The following CHD8 variants were observed in gnomAD, a reference collection of about 807,000 sequenced individuals.
The protein encoded by CHD8 is ATP-dependent chromatin remodeler CHD8.
Under a neutral mutation model 279.2 loss-of-function variants are expected in CHD8, and 31 were observed. The ratio of observed to expected loss-of-function variants is 0.11; its 90% confidence interval spans 0.08 to 0.15. CHD8 has a LOEUF of 0.15. Among genes scored for constraint, CHD8 ranks in the 10% least tolerant of loss-of-function variants. CHD8 has a pLI of 1.00. For missense variants in CHD8, 2,146 were observed against 3,230.5 expected (o/e 0.66, Z 8.14); for synonymous variants, 1,081 against 1,139.6 (o/e 0.95, Z 1.04).
At chr14:21,419,578 G>C (rs1888919782) in intron 5 of CHD8, 1 of 155,796 alleles carries the variant, frequency 6.4e-6, no homozygotes, top group Non-Finnish European at 1.4e-5. Context: ...AAAAATAAAA[G>C]AAAACAAAAA....
At chr14:21,445,403 G>A (rs778226277) in intron 1 of CHD8, among the ~76,000 whole-genome samples, 12 of 148,454 alleles carry the variant, frequency 8.1e-5, no homozygotes, top group Non-Finnish European at 1.0e-4. Flanking sequence ...AACCCTGGCC[G>A]GGCGTGGTGG....
rs766789414 is a variant in CHD8, at chr14:21,431,794, T to C, written c.-151A>G. 6.8e-6 allele frequency: 11 copies of C among 1,613,638 alleles called. No homozygotes were observed. In the Admixed American group the frequency reaches 1.2e-4, roughly 17 times the overall value. On this transcript the variant is annotated 5_prime_UTR_variant, in exon 2 of 38. The change abolishes an upstream ATG in the 5' untranslated region. Coordinates refer to ENST00000646647, the MANE Select transcript of CHD8 (RefSeq NM_001170629.2). ...AGTATAGAGGCAAGAAACAAGTGCA[T>C]GTCAGATTGTCCTGACCTTCATGGA...
At chr14:21,415,184 T>G in intron 7 of CHD8, 191 bp from the exon 8 acceptor site, 1 of 551,144 alleles carries the variant, frequency 1.8e-6, no homozygotes, top group Non-Finnish European at 3.2e-6. Flanking sequence ...CTTTATCCAC[T>G]CTAAACAGGT....
intron 1 of CHD8, chr14:21,436,952 A>G: frequency 7.8e-7 from 1 of 1,288,262 alleles, no homozygotes; most frequent in Non-Finnish European, 1.0e-6. Context: ...GCAGAGGCGG[A>G]AGATTTCTGG....
At chr14:21,445,518 C>T (rs1308235022) in intron 1 of CHD8, among the ~76,000 whole-genome samples, 1 of 151,466 alleles carries the variant, frequency 6.6e-6, no homozygotes, top group African/African-American at 2.4e-5. Context: ...AACCCCATCT[C>T]TACTAAAAAT....
chr14:21,434,805 T>G (rs1298922170), intron 1 of CHD8, among the ~76,000 whole-genome samples: 1 of 152,176 alleles, frequency 6.6e-6, no homozygotes, highest in Non-Finnish European at 1.5e-5. Context: ...TCTTACAAGA[T>G]TAAACCTTCT....
Position 21,403,373 on chromosome 14 carries a change from C to G in CHD8, c.3518+80G>C, listed in dbSNP as rs887931963. ...CTTCTCTTATTGCAATTGGTGAACT[C>G]TAATTAAATCCAGGCCCTCCTACTT... On this transcript the variant is annotated intron_variant, in intron 17 of 37. Transcript: ENST00000646647. This position sits in a 1 kb window ranked among gnomAD's most constrained non-coding sequence, Gnocchi z 4.3. 1.0e-4 allele frequency: 134 copies of G among 1,315,784 alleles called. No homozygotes were observed. In the Middle Eastern group the frequency reaches 1.3e-3, roughly 13 times the overall value. The allele number at this position is 1,315,784 out of a possible 1,614,324, so 81.5% of individuals were successfully genotyped here.
chr14:21,405,760 C>T lies in CHD8; in HGVS notation c.3012G>A (p.Glu1004=), dbSNP rs1888229149. ...LEPSQFPSES[E]FLKDFGDLKT... The stretch of plus-strand genomic sequence containing the variant: ...TGAGATCCCCAAAGTCCTTGAGAAA[C>T]TCTGATTCTGAGGGAAATTGTGACG... Residue 1004 remains glutamate, a synonymous_variant, in exon 15 of 38, where the codon GAG becomes GAA. Transcript: ENST00000646647. This position sits in a 1 kb window ranked among gnomAD's most constrained non-coding sequence, Gnocchi z 4.2. 1 of 1,613,934 alleles carries T rather than the reference C, an allele frequency of 6.2e-7. No individual in the cohort carries two copies. The highest frequency in any genetic ancestry group is 1.7e-5 in the Admixed American group (1 of 60,008).
Position 21,430,879 on chromosome 14 carries a change from A to C in CHD8, c.765T>G (p.Gly255=), listed in dbSNP as rs748562397. 1.3e-6 allele frequency: 2 copies of C among 1,599,432 alleles called. No homozygotes were observed. Among genetic ancestry groups the C allele is most frequent in the Non-Finnish European group, 1.7e-6 (2 of 1,179,732 alleles). The change falls in exon 2 of 38, where the codon GGT becomes GGG. Residue 255 remains glycine, a synonymous_variant. Transcript: ENST00000646647. ...VKQLVLQPVK[G]SAPAGNPGAT... is the part of the protein sequence containing the mutation. ...CCCCAGGGTTTCCAGCAGGAGCTGA[A>C]CCCTTAACTGGCTGGAGGACCAGCT...
intron 1 of CHD8, among the ~76,000 whole-genome samples, chr14:21,455,561 T>G (rs1484949211): frequency 1.3e-5 from 2 of 152,200 alleles, no homozygotes; most frequent in East Asian, 3.9e-4. Context: ...CTGCTTACGC[T>G]TACCCCATGC....
intron 37 of CHD8, among the ~76,000 whole-genome samples, chr14:21,387,186 T>C (rs1188272956): frequency 1.3e-5 from 2 of 152,102 alleles, no homozygotes; most frequent in African/African-American, 4.8e-5. Flanking sequence ...CACTGTCAAT[T>C]CTATATTAAG....
At chr14:21,396,343 G>A (rs1197123600) in intron 27 of CHD8, among the ~76,000 whole-genome samples, 1 of 151,796 alleles carries the variant, frequency 6.6e-6, no homozygotes, top group African/African-American at 2.4e-5. Flanking sequence ...GTCTCACTCT[G>A]TAGGCCAGGC....
chr14:21,419,599 G>T, intron 5 of CHD8: 1 of 162,012 alleles, frequency 6.2e-6, no homozygotes, highest in South Asian at 1.5e-4. Context: ...AAATAATCCT[G>T]GGTGCCGTAC....
chr14:21,388,395 G>C (rs1887375293), intron 37 of CHD8, among the ~76,000 whole-genome samples: 1 of 152,148 alleles, frequency 6.6e-6, no homozygotes, highest in Non-Finnish European at 1.5e-5. Context: ...TATTTACATA[G>C]TATTTATATT....
chr14:21,405,484 G>C lies in CHD8; in HGVS notation c.3052-20C>G, dbSNP rs754155458. 1.3e-6 allele frequency: 2 copies of C among 1,593,052 alleles called. No homozygotes were observed. The highest frequency in any genetic ancestry group is 3.6e-5 in the Admixed American group (2 of 55,588). ...TTGAACCTGTGGTCCATTACAGAGAGAAAAATAAATCAATAAGATGAGGGC... is the reference window on the plus strand; with the variant it reads ...TTGAACCTGTGGTCCATTACAGAGACAAAAATAAATCAATAAGATGAGGGC... On this transcript the variant is annotated intron_variant, in intron 15 of 37. Transcript: ENST00000646647. The surrounding 1 kb of genome is among the most constrained non-coding windows in gnomAD (Gnocchi z 4.2).
intron 5 of CHD8, among the ~76,000 whole-genome samples, chr14:21,424,826 T>G (rs915801768): frequency 6.6e-6 from 1 of 152,182 alleles, no homozygotes; most frequent in Non-Finnish European, 1.5e-5. Context: ...AGTTTGTCAA[T>G]GTACCGAATG....
intron 1 of CHD8, among the ~76,000 whole-genome samples, chr14:21,433,351 A>C (rs1889643433): frequency 1.3e-5 from 2 of 152,238 alleles, no homozygotes; most frequent in African/African-American, 4.8e-5. Flanking sequence ...AAGCTATCAA[A>C]GACAGGGAAG....
In CHD8 at chr14:21,415,721, T is replaced by G; in HGVS notation, c.1899+4A>C. On this transcript the variant is annotated splice_donor_region_variant and intron_variant, in intron 6 of 37. Coordinates refer to ENST00000646647, the MANE Select transcript of CHD8 (RefSeq NM_001170629.2). ...CTCTGAAATCATTTGAGTTTACAGC[T>G]TACCACAAAGAACTGCATGGAAGGC... is the stretch of plus-strand genomic sequence containing the variant. 1 of 1,613,756 alleles carries G rather than the reference T, an allele frequency of 6.2e-7. No individual in the cohort carries two copies. Among genetic ancestry groups the G allele is most frequent in the Non-Finnish European group, 8.5e-7 (1 of 1,179,790 alleles).
rs1032318888 is a variant in CHD8 at position 21,395,656 on chromosome 14, T to C, written c.5127+161A>G. 5 of 621,218 alleles carry C rather than the reference T, an allele frequency of 8.0e-6. No individual in the cohort carries two copies. The African/African-American group carries it at 9.3e-5, about 12-fold the overall frequency. The allele number at this position is 621,218 out of a possible 1,614,324, so 38.5% of individuals were successfully genotyped here. On this transcript the variant is annotated intron_variant, in intron 28 of 37. Coordinates refer to ENST00000646647, the MANE Select transcript of CHD8 (RefSeq NM_001170629.2). ...TATCCCTGATCTCCCCCTACTGGCATTACAGTCCTTTCCATTAATATTTTC... is the reference window on the plus strand; with the variant it reads ...TATCCCTGATCTCCCCCTACTGGCACTACAGTCCTTTCCATTAATATTTTC...
Sources: allele counts gnomAD v4.1 joint callset (sites outside exome capture counted in the v4.1 genomes callset), GRCh38; gene constraint gnomAD v4.1.1; non-coding constraint Gnocchi (gnomAD v3.1); transcripts MANE v1.5; gene names NCBI Gene and HGNC (gene_info 2026-07-23, HGNC 2026-07-21).